Variants in XYLT1 observed in about 807,000 individuals in gnomAD.
The protein encoded by XYLT1 is xylosyltransferase 1.
XYLT1 carries 36 observed loss-of-function variants against 91.3 expected under a neutral mutation model. That is an observed-to-expected ratio of 0.39 (90% CI 0.30 to 0.52). The LOEUF (loss-of-function observed/expected upper bound fraction) is 0.52. Among genes scored for constraint, XYLT1 ranks in the 20% least tolerant of loss-of-function variants. XYLT1 has a pLI of 0.68. For synonymous variants in XYLT1, 588 were observed against 532.0 expected (o/e 1.11, Z -1.45); for missense variants, 1,242 against 1,284.5 (o/e 0.97, Z 0.51).
intron 1 of XYLT1, among the ~76,000 whole-genome samples, chr16:17,365,852 G>A (rs1000779715): frequency 6.6e-6 from 1 of 152,086 alleles, no homozygotes; most frequent in East Asian, 1.9e-4. Context: ...GAGCACAAAT[G>A]GTTATCAAAA....
intron 2 of XYLT1, among the ~76,000 whole-genome samples, chr16:17,313,022 G>A (rs1048205446): frequency 5.3e-5 from 8 of 152,328 alleles, no homozygotes; most frequent in South Asian, 4.1e-4. Context: ...GGGCATGTCC[G>A]CCCAGGGCCA....
chr16:17,196,071 G>T (rs962285062), intron 5 of XYLT1, among the ~76,000 whole-genome samples: 1 of 152,182 alleles, frequency 6.6e-6, no homozygotes. Flanking sequence ...GTTCAAGGAT[G>T]TCAGGTGTAC....
At chr16:17,127,471 A>C (rs1322656776) in intron 10 of XYLT1, among the ~76,000 whole-genome samples, 195 bp downstream of exon 10, 1 of 152,168 alleles carries the variant, frequency 6.6e-6, no homozygotes, top group Non-Finnish European at 1.5e-5. Flanking sequence ...AGTTGGTTTG[A>C]TCCTCCCCTG....
At chr16:17,199,914 G>A (rs1332430634) in intron 4 of XYLT1, among the ~76,000 whole-genome samples, 1 of 152,098 alleles carries the variant, frequency 6.6e-6, no homozygotes, top group African/African-American at 2.4e-5. Context: ...ATTGGGTAGA[G>A]GGGAGAGGTA....
chr16:17,192,211 G>A (rs1204076792), intron 5 of XYLT1, among the ~76,000 whole-genome samples: 1 of 149,176 alleles, frequency 6.7e-6, no homozygotes, highest in African/African-American at 2.5e-5. Context: ...TGATTCTCCT[G>A]TCTCAGCCTC....
At chr16:17,262,548 T>C (rs1012819617) in intron 2 of XYLT1, among the ~76,000 whole-genome samples, 1 of 152,178 alleles carries the variant, frequency 6.6e-6, no homozygotes, top group African/African-American at 2.4e-5. Flanking sequence ...TGGCATTCAA[T>C]AAAGCTATGA....
At chr16:17,431,197 T>G (rs1443688178) in intron 1 of XYLT1, among the ~76,000 whole-genome samples, 1 of 152,148 alleles carries the variant, frequency 6.6e-6, no homozygotes, top group Non-Finnish European at 1.5e-5. Context: ...AATAAAGCTT[T>G]ATTTATATAA....
At position 17,384,036 on chromosome 16, in the gene XYLT1, C is replaced by A. The variant is rs537295654; in HGVS notation, c.364-25986G>T. ...GTGCTGGGATTATAGGCATGAGCCA[C>A]CGCGCCGGCCCCTAAGTGAAGTTTT... On this transcript the variant is annotated intron_variant, in intron 1 of 11. Coordinates refer to ENST00000261381, the MANE Select transcript of XYLT1 (RefSeq NM_022166.4). Among the ~76,000 whole-genome samples the A allele has an allele frequency of 2.0e-5, 3 of 152,026 alleles. No homozygotes were observed. In the East Asian group the frequency reaches 5.9e-4, roughly 30 times the overall value.
At position 17,438,341 on chromosome 16, in the gene XYLT1, G is replaced by A. The variant is rs139308360; in HGVS notation, c.363+32093C>T. ...CAATATGGTAATTGTGAAGGTAAGA[G>A]ATAGCATGAATGACCACTACTCTTG... On this transcript the variant is annotated intron_variant, in intron 1 of 11. Transcript: ENST00000261381. 2.8e-3 allele frequency among the ~76,000 whole-genome samples: 426 copies of A among 152,276 alleles called. 4 individuals carry two copies. The highest frequency in any genetic ancestry group is 9.8e-3 in the African/African-American group (407 of 41,548).
intron 2 of XYLT1, among the ~76,000 whole-genome samples, chr16:17,294,191 G>A (rs1192618441): frequency 6.6e-6 from 1 of 152,104 alleles, no homozygotes; most frequent in Non-Finnish European, 1.5e-5. Flanking sequence ...CTCTGCTTAG[G>A]GCTTTCTGAC....
Position 17,291,072 on chromosome 16 carries a change from C to T in XYLT1, c.403-31574G>A, listed in dbSNP as rs576852524. 1.1e-3 allele frequency among the ~76,000 whole-genome samples: 165 copies of T among 152,348 alleles called. 1 individual carries two copies. Among genetic ancestry groups the T allele is most frequent in the Non-Finnish European group, 1.6e-3 (112 of 68,034 alleles). ...ACTTCAGCCTTCTGAGTAGCAAGGA[C>T]TGCAGGTGCACACCACCACACCTGG... On this transcript the variant is annotated intron_variant, in intron 2 of 11. Coordinates refer to ENST00000261381, the MANE Select transcript of XYLT1 (RefSeq NM_022166.4).
chr16:17,224,032 C>T (rs2033019450), intron 3 of XYLT1, among the ~76,000 whole-genome samples: 1 of 152,236 alleles, frequency 6.6e-6, no homozygotes, highest in African/African-American at 2.4e-5. Context: ...GGTTCAAATT[C>T]TAGGACCAGA....
chr16:17,125,502 TCCTAGCTCATTC>T (rs996016395), intron 10 of XYLT1, among the ~76,000 whole-genome samples: 4 of 152,130 alleles, frequency 2.6e-5, no homozygotes, highest in Non-Finnish European at 5.9e-5. Context: ...ACTCGAGTAC[TCCTAGCTCATTC>T]CCAGTGCCTA....
chr16:17,311,650 C>T (rs1245507829), intron 2 of XYLT1, among the ~76,000 whole-genome samples: 2 of 152,126 alleles, frequency 1.3e-5, no homozygotes, highest in Non-Finnish European at 2.9e-5. Context: ...GTTTGTGCAA[C>T]TTAGGCAGTA....
rs1435025569 is a variant in XYLT1 at position 17,470,664 on chromosome 16, G to A, written c.133C>T (p.Arg45Cys). 4 of 1,136,604 alleles carry A rather than the reference G, an allele frequency of 3.5e-6. No individual in the cohort carries two copies. Among genetic ancestry groups the A allele is most frequent in the Middle Eastern group, 3.9e-4 (1 of 2,542 alleles). The allele number at this position is 1,136,604 out of a possible 1,614,324, so 70.4% of individuals were successfully genotyped here. The change falls in exon 1 of 12, where the codon CGC becomes TGC. Residue 45 changes from arginine (R) to cysteine (C), a missense_variant. Physicochemically the swap from Arg to Cys is radical, Grantham distance 180. Coordinates refer to ENST00000261381, the MANE Select transcript of XYLT1 (RefSeq NM_022166.4). ...FSSLDSGAGE[R>C]RGGAAVGGGE... ...CCGCCGACCGCTGCGCCCCCGCGGCGCTCCCCGGCCCCGGAGTCGAGGCTG... is the reference window on the plus strand; with the variant it reads ...CCGCCGACCGCTGCGCCCCCGCGGCACTCCCCGGCCCCGGAGTCGAGGCTG...
intron 1 of XYLT1, among the ~76,000 whole-genome samples, chr16:17,449,653 G>A (rs993881970): frequency 3.2e-4 from 49 of 152,150 alleles, no homozygotes; most frequent in African/African-American, 1.1e-3. Flanking sequence ...AATATAAAAC[G>A]CCTAACATGT....
rs185249082 is a variant in XYLT1 at position 17,172,146 on chromosome 16, G to C, written c.1290-13237C>G. 2.4e-4 allele frequency among the ~76,000 whole-genome samples: 36 copies of C among 152,294 alleles called. 2 individuals are homozygous for C. Among genetic ancestry groups the C allele is most frequent in the Admixed American group, 5.9e-4 (9 of 15,300 alleles). ...TAAATACTTAGTAAGTATTAACTATGTTACTCTTGCAGCTGTGAATTAAAT... is the reference window on the plus strand; with the variant it reads ...TAAATACTTAGTAAGTATTAACTATCTTACTCTTGCAGCTGTGAATTAAAT... On this transcript the variant is annotated intron_variant, in intron 5 of 11. Transcript: ENST00000261381.
rs11290407 is a variant in XYLT1 at position 17,334,524 on chromosome 16, C to CA, written c.402+23487dup. Among the ~76,000 whole-genome samples, 626 of 147,362 alleles carry CA rather than the reference C, an allele frequency of 4.2e-3. 6 individuals carry two copies. Among genetic ancestry groups the CA allele is most frequent in the African/African-American group, 0.015 (584 of 40,068 alleles). ...TAAATGATGAATTCACACTTCAGAC[C>CA]AAAAAAAAAAAGGAAATTATTTGAA... On this transcript the variant is annotated intron_variant, in intron 2 of 11. Coordinates refer to ENST00000261381, the MANE Select transcript of XYLT1 (RefSeq NM_022166.4).
At chr16:17,194,484 A>T (rs1479472364) in intron 5 of XYLT1, among the ~76,000 whole-genome samples, 1 of 152,220 alleles carries the variant, frequency 6.6e-6, no homozygotes, top group African/African-American at 2.4e-5. Flanking sequence ...TCCACTGGGA[A>T]TCCAGAGAAG....
Sources: gnomAD v4.1 joint callset for allele counts (sites outside exome capture counted in the v4.1 genomes callset) on GRCh38, gnomAD v4.1.1 for gene constraint, MANE v1.5 for transcripts, NCBI Gene and HGNC (gene_info 2026-07-23, HGNC 2026-07-21) for gene names.